The following MLANA variants were observed in gnomAD, a reference collection of about 807,000 sequenced individuals.
MLANA encodes the protein melan-A.
A neutral mutation model predicts 15.7 loss-of-function variants in MLANA; 21 were observed. That is an observed-to-expected ratio of 1.33 (90% CI 0.95 to 1.92). The LOEUF is 1.92. Ranked by LOEUF, MLANA falls within the 40% of genes most tolerant of loss-of-function variation. MLANA has a pLI of 0.00. For missense variants in MLANA, 164 were observed against 143.8 expected, an observed-to-expected ratio of 1.14 and a Z score of -0.72; for synonymous variants, 56 against 51.5, an observed-to-expected ratio of 1.09 and a Z score of -0.37.
chr9:5,908,504 C>T (rs1832959595), intron 4 of MLANA, 136 bp from the exon 5 acceptor site: 2 of 755,752 alleles, frequency 2.6e-6, no homozygotes, highest in East Asian at 2.6e-5. Flanking sequence ...CTTCACTGGG[C>T]AGAAATTATA....
intron 3 of MLANA, among the ~76,000 whole-genome samples, chr9:5,905,068 C>T (rs767856048): frequency 6.6e-5 from 10 of 152,150 alleles, no homozygotes; most frequent in South Asian, 2.1e-4. Flanking sequence ...CCACCGTGCC[C>T]GGCCTTATAC....
rs1483426579 is a variant in MLANA, at chr9:5,897,543, A to G, written c.78-14A>G. The G allele has an allele frequency of 3.1e-6, 5 of 1,610,896 alleles. No individual in the cohort carries two copies. In the East Asian group the frequency reaches 6.7e-5, roughly 22 times the overall value. On this transcript the variant is annotated splice_polypyrimidine_tract_variant and intron_variant, in intron 2 of 4. Coordinates refer to ENST00000381477, the MANE Select transcript of MLANA (RefSeq NM_005511.2). ...TTTCAATGACAAAGTGGATTTGTCT[A>G]TCTCTTGGGCCAGGGCCGCTGGGAT...
chr9:5,897,011 C>T (rs1229865487), intron 2 of MLANA, among the ~76,000 whole-genome samples: 1 of 152,210 alleles, frequency 6.6e-6, no homozygotes, highest in Non-Finnish European at 1.5e-5. Context: ...TCTGTATGAT[C>T]ACCAGCGAGT....
chr9:5,901,575 G>A (rs138550770), intron 3 of MLANA, among the ~76,000 whole-genome samples: 98 of 152,122 alleles, frequency 6.4e-4, no homozygotes, highest in African/African-American at 2.2e-3. Flanking sequence ...CTGGAGTGCA[G>A]TGGCTCAATC....
At position 5,908,964 on chromosome 9, in the gene MLANA, G is replaced by A; in HGVS notation, c.*256G>A. Reference sequence around the variant, plus strand: ...TGATACTATCTGTGCCAGAGGTAATGTTAGTAAATCCATGGTGTTATTTTC... The same window carrying A: ...TGATACTATCTGTGCCAGAGGTAATATTAGTAAATCCATGGTGTTATTTTC... On this transcript the variant is annotated 3_prime_UTR_variant, in exon 5 of 5. Coordinates refer to ENST00000381477, the MANE Select transcript of MLANA (RefSeq NM_005511.2). 1 of 417,016 alleles carries A rather than the reference G, an allele frequency of 2.4e-6. No individual in the cohort carries two copies. The highest frequency in any genetic ancestry group is 4.3e-6 in the Non-Finnish European group (1 of 234,510). 25.8% of individuals were successfully genotyped at this position (417,016 alleles called of 1,614,324 possible). A position where few individuals can be genotyped will look rare whatever the true frequency, so the allele number is the denominator to read the frequency against.
rs1832857160 is a variant in MLANA, at chr9:5,906,978, G to A, written c.268G>A (p.Glu90Lys). 1 of 1,598,372 alleles carries A rather than the reference G, an allele frequency of 6.3e-7. No homozygotes were observed. Among genetic ancestry groups the A allele is most frequent in the Non-Finnish European group, 8.5e-7 (1 of 1,174,852 alleles). The change falls in exon 4 of 5, where the codon GAG (glutamate) becomes AAG (lysine). Residue 90 changes from glutamate (E) to lysine (K), a missense_variant. Glu to Lys is a moderately conservative substitution (Grantham distance 56, BLOSUM62 1). Coordinates refer to ENST00000381477, the MANE Select transcript of MLANA (RefSeq NM_005511.2). ...DHRDSKVSLQ[E>K]KNCEPVVPNA... ...TCGGGACAGCAAAGTGTCTCTTCAA[G>A]AGAAAAACTGTGAACCTGTGGTAGG...
intron 2 of MLANA, among the ~76,000 whole-genome samples, chr9:5,895,687 G>A (rs1432857595): frequency 2.0e-5 from 3 of 152,190 alleles, no homozygotes; most frequent in Non-Finnish European, 4.4e-5. Context: ...CACCTAAGAG[G>A]CTGATTGGGT....
intron 3 of MLANA, among the ~76,000 whole-genome samples, chr9:5,902,470 T>C (rs1012513566): frequency 7.0e-6 from 1 of 142,732 alleles, no homozygotes; most frequent in Non-Finnish European, 1.5e-5. Flanking sequence ...CTTTCTTTCC[T>C]TTTTTTTTTC....
intron 3 of MLANA, among the ~76,000 whole-genome samples, chr9:5,900,345 T>G (rs933566593): frequency 2.6e-5 from 4 of 152,162 alleles, no homozygotes; most frequent in Non-Finnish European, 5.9e-5. Context: ...TGTTTAAATT[T>G]CCTGGTTTAT....
In MLANA at chr9:5,908,692, C is replaced by A; in HGVS notation, c.341C>A (p.Pro114Gln). 1 of 1,614,008 alleles carries A rather than the reference C, an allele frequency of 6.2e-7. No individual in the cohort carries two copies. The highest frequency in any genetic ancestry group is 8.5e-7 in the Non-Finnish European group (1 of 1,179,880). The stretch of plus-strand genomic sequence containing the variant: ...AAACTCTCTGCAGAACAGTCACCAC[C>A]ACCTTATTCACCTTAAGAGCCAGCG... ...YEKLSAEQSP[P>Q]PYSP The change falls in exon 5 of 5, where the codon CCA becomes CAA. Residue 114 changes from proline (P) to glutamine (Q), a missense_variant. Pro to Gln is a moderately conservative substitution (Grantham distance 76, BLOSUM62 -1). Coordinates refer to ENST00000381477, the MANE Select transcript of MLANA (RefSeq NM_005511.2).
At chr9:5,896,490 G>A (rs1034744697) in intron 2 of MLANA, among the ~76,000 whole-genome samples, 1 of 152,224 alleles carries the variant, frequency 6.6e-6, no homozygotes, top group African/African-American at 2.4e-5. Context: ...CCTTGAGACA[G>A]AAGTTGTCCA....
Position 5,909,465 on chromosome 9 carries a change from T to A in MLANA, c.*757T>A, listed in dbSNP as rs1586976819. On this transcript the variant is annotated 3_prime_UTR_variant, in exon 5 of 5. Transcript: ENST00000381477. ...TAGAGACGGGGTTTCTCCATGTTGG[T>A]CAGGCTGGTCTCAAACTCCTGACCT... The A allele has an allele frequency of 1.3e-5, 2 of 152,178 alleles. No individual in the cohort carries two copies. The highest frequency in any genetic ancestry group is 2.9e-5 in the Non-Finnish European group (2 of 68,052). The allele number at this position is 152,178 out of a possible 1,614,324, so 9.4% of individuals were successfully genotyped here.
chr9:5,897,531 G>C, intron 2 of MLANA, 26 bp from the exon 3 acceptor site: 14 of 1,588,834 alleles, frequency 8.8e-6, no homozygotes, highest in Non-Finnish European at 1.2e-5. Flanking sequence ...CAATGACAAA[G>C]TGGATTTGTC....
intron 3 of MLANA, among the ~76,000 whole-genome samples, chr9:5,901,719 A>C (rs1832441957): frequency 6.6e-6 from 1 of 151,064 alleles, no homozygotes; most frequent in Non-Finnish European, 1.5e-5. Context: ...ATGGGGTTTC[A>C]CCATGTTGCC....
At chr9:5,893,159 C>G (rs749713873) in intron 2 of MLANA, among the ~76,000 whole-genome samples, 1 of 152,174 alleles carries the variant, frequency 6.6e-6, no homozygotes, top group Non-Finnish European at 1.5e-5. Flanking sequence ...TTTGAAAAAA[C>G]TCACAACTTA....
rs148372841 is a variant in MLANA at position 5,892,552 on chromosome 9, G to C, written c.77+1G>C. 2.1e-4 allele frequency: 341 copies of C among 1,612,168 alleles called. 7 individuals carry two copies. The East Asian group carries it at 6.7e-3, about 32-fold the overall frequency. On this transcript the variant is annotated splice_donor_variant, in intron 2 of 4. Coordinates refer to ENST00000381477, the MANE Select transcript of MLANA (RefSeq NM_005511.2). LOFTEE classifies it high-confidence loss of function. ...GCCACTCTTACACCACGGCTGAAGA[G>C]TAAGTTCAAAACCAGACCCAGCAGG...
chr9:5,903,815 CTTTCT>C (rs1832611099), intron 3 of MLANA, among the ~76,000 whole-genome samples: 1 of 152,046 alleles, frequency 6.6e-6, no homozygotes, highest in Non-Finnish European at 1.5e-5. Flanking sequence ...GGAACTCCTA[CTTTCT>C]TTTCATTAGT....
intron 3 of MLANA, among the ~76,000 whole-genome samples, chr9:5,904,823 G>T (rs1405329374): frequency 6.6e-6 from 1 of 151,410 alleles, no homozygotes; most frequent in Non-Finnish European, 1.5e-5. Context: ...GCCCAGGCTG[G>T]AGTGCAGTGG....
At chr9:5,891,483 C>T (rs1199359950) in intron 1 of MLANA, among the ~76,000 whole-genome samples, 3 of 152,130 alleles carry the variant, frequency 2.0e-5, no homozygotes, top group East Asian at 1.9e-4. Context: ...GGTCATGTGT[C>T]GAAATCCCCA....
Sources: allele counts gnomAD v4.1 joint callset (sites outside exome capture counted in the v4.1 genomes callset), GRCh38; gene constraint gnomAD v4.1.1; transcripts MANE v1.5; gene names NCBI Gene and HGNC (gene_info 2026-07-23, HGNC 2026-07-21).